EEPD1: variants seen among roughly 807,000 people sequenced by gnomAD.
The protein encoded by EEPD1 is endonuclease/exonuclease/phosphatase family domain-containing protein 1.
EEPD1 carries 17 observed loss-of-function variants against 46.3 expected under a neutral mutation model. The ratio of observed to expected loss-of-function variants is 0.37; its 90% confidence interval spans 0.25 to 0.55. EEPD1 has a LOEUF of 0.55. Among genes scored for constraint, EEPD1 ranks in the 20% least tolerant of loss-of-function variants. EEPD1 has a pLI of 0.83. For synonymous variants in EEPD1, 313 were observed against 315.6 expected, an observed-to-expected ratio of 0.99 and a Z score of 0.09; for missense variants, 673 against 745.6, an observed-to-expected ratio of 0.90 and a Z score of 1.13.
intron 2 of EEPD1, among the ~76,000 whole-genome samples, chr7:36,156,570 A>G (rs1355569846): frequency 1.3e-5 from 2 of 152,156 alleles, no homozygotes; most frequent in Non-Finnish European, 2.9e-5. Flanking sequence ...AGGAAAGACA[A>G]AGCTGCTTAA....
In EEPD1 at chr7:36,155,063, T is replaced by C. The variant is rs761162670; in HGVS notation, c.739T>C (p.Ser247Pro). 1 of 1,594,598 alleles carries C rather than the reference T, an allele frequency of 6.3e-7. No individual in the cohort carries two copies. The highest frequency in any genetic ancestry group is 8.6e-7 in the Non-Finnish European group (1 of 1,168,870). The change falls in exon 2 of 8, where the codon TCC becomes CCC. Residue 247 changes from serine (S) to proline (P), a missense_variant. Physicochemically the swap from Ser to Pro is moderately conservative, Grantham distance 74. Coordinates refer to ENST00000242108, the MANE Select transcript of EEPD1 (RefSeq NM_030636.3). ...GPTQIISTRP[S>P]VEAFGGTRDG... ...CACCCAGATTATCTCCACTCGGCCG[T>C]CCGTGGAGGCCTTTGGAGGCACAAG...
intron 3 of EEPD1, among the ~76,000 whole-genome samples, chr7:36,277,344 C>T (rs1404938432): frequency 6.6e-6 from 1 of 152,248 alleles, no homozygotes; most frequent in African/African-American, 2.4e-5. Flanking sequence ...GCAGTTACCT[C>T]CTGTGGGCTG....
At chr7:36,287,841 T>C in intron 6 of EEPD1, 64 bp downstream of exon 6, 1 of 1,582,836 alleles carries the variant, frequency 6.3e-7, no homozygotes, top group Non-Finnish European at 8.6e-7. Context: ...CTGCCTCTTC[T>C]GAGCCATCTC....
At chr7:36,172,222 A>C (rs545337485) in intron 2 of EEPD1, among the ~76,000 whole-genome samples, 33 of 152,044 alleles carry the variant, frequency 2.2e-4, no homozygotes, top group Non-Finnish European at 4.3e-4. Context: ...GGAAAGTAGA[A>C]TCTCTCTTCT....
intron 2 of EEPD1, among the ~76,000 whole-genome samples, chr7:36,236,566 T>A (rs1490287733): frequency 3.3e-5 from 5 of 152,230 alleles, no homozygotes; most frequent in Admixed American, 6.5e-5. Context: ...AAAGTCCCGC[T>A]GCCAGTGCCA....
At chr7:36,201,482 T>C (rs2115703617) in intron 2 of EEPD1, among the ~76,000 whole-genome samples, 1 of 152,278 alleles carries the variant, frequency 6.6e-6, no homozygotes. Flanking sequence ...GAAACTTGTT[T>C]CTGATGACTA....
chr7:36,272,989 C>G lies in EEPD1; in HGVS notation c.931-8126C>G, dbSNP rs1787134004. ...CGGCCCCTCCTGGGAGGAAAGTTGACCGATGTACTGACCTCTGTGTGAAAT... is the reference window on the plus strand; with the variant it reads ...CGGCCCCTCCTGGGAGGAAAGTTGAGCGATGTACTGACCTCTGTGTGAAAT... On this transcript the variant is annotated intron_variant, in intron 3 of 7. Coordinates refer to ENST00000242108, the MANE Select transcript of EEPD1 (RefSeq NM_030636.3). 2.6e-5 allele frequency among the ~76,000 whole-genome samples: 4 copies of G among 152,322 alleles called. No individual in the cohort carries two copies. In the South Asian group the frequency reaches 8.3e-4, roughly 32 times the overall value.
intron 2 of EEPD1, among the ~76,000 whole-genome samples, chr7:36,213,119 C>T (rs934342125): frequency 2.0e-5 from 3 of 152,130 alleles, no homozygotes; most frequent in Non-Finnish European, 4.4e-5. Context: ...TACCACTGCA[C>T]TCCAGCATGG....
chr7:36,241,466 C>T (rs984652200), intron 3 of EEPD1, among the ~76,000 whole-genome samples: 10 of 152,024 alleles, frequency 6.6e-5, no homozygotes, highest in African/African-American at 1.9e-4. Context: ...GAGCGAGACT[C>T]TGTCTCAAAA....
chr7:36,205,652 G>A (rs1216046345), intron 2 of EEPD1, among the ~76,000 whole-genome samples: 1 of 152,238 alleles, frequency 6.6e-6, no homozygotes, highest in Non-Finnish European at 1.5e-5. Flanking sequence ...TAAAAGCATA[G>A]AATGTGATTT....
intron 3 of EEPD1, 160 bp from the exon 4 acceptor site, chr7:36,280,955 C>CT (rs1401489968): frequency 1.8e-6 from 1 of 563,850 alleles, no homozygotes; most frequent in Non-Finnish European, 3.1e-6. Context: ...TCATCTGGCT[C>CT]TTGCAAACCC....
intron 2 of EEPD1, among the ~76,000 whole-genome samples, chr7:36,198,918 G>T (rs776157823): frequency 6.6e-6 from 1 of 151,958 alleles, no homozygotes; most frequent in Non-Finnish European, 1.5e-5. Flanking sequence ...GTGGGAGGAG[G>T]TGCTCTTCTA....
intron 2 of EEPD1, among the ~76,000 whole-genome samples, chr7:36,231,643 A>G (rs1012108669): frequency 6.6e-6 from 1 of 152,172 alleles, no homozygotes; most frequent in African/African-American, 2.4e-5. Flanking sequence ...CTGTGTGTTC[A>G]TCTTGTCCCC....
chr7:36,240,792 G>A (rs953238221), intron 3 of EEPD1, among the ~76,000 whole-genome samples: 4 of 152,112 alleles, frequency 2.6e-5, no homozygotes, highest in Admixed American at 2.0e-4. Flanking sequence ...AAATTTTTCC[G>A]CAGACCTGGG....
At chr7:36,286,725 A>T (rs1167491988) in intron 5 of EEPD1, among the ~76,000 whole-genome samples, 1 of 152,168 alleles carries the variant, frequency 6.6e-6, no homozygotes, top group Admixed American at 6.5e-5. Context: ...TGGGAGGTGT[A>T]GGGAGGAGGA....
rs377318198 is a variant in EEPD1, at chr7:36,287,236, CAAAAAA to C, written c.1177-381_1177-376del. ...TGGGTGACAGAGTGAGACTCCTTCTCAAAAAAAAAAAAAAAAAAAAAAAAAAAGTGC... is the reference window on the plus strand; with the variant it reads ...TGGGTGACAGAGTGAGACTCCTTCTCAAAAAAAAAAAAAAAAAAAAAGTGC... On this transcript the variant is annotated intron_variant, in intron 5 of 7. Coordinates refer to ENST00000242108, the MANE Select transcript of EEPD1 (RefSeq NM_030636.3). Among the ~76,000 whole-genome samples the C allele has an allele frequency of 3.6e-4, 15 of 42,212 alleles. No homozygotes were observed. The South Asian group carries it at 5.1e-3, about 14-fold the overall frequency. 27.7% of individuals were successfully genotyped at this position (42,212 alleles called of 152,430 possible).
At chr7:36,252,326 G>A (rs944002525) in intron 3 of EEPD1, among the ~76,000 whole-genome samples, 1 of 152,174 alleles carries the variant, frequency 6.6e-6, no homozygotes, top group Non-Finnish European at 1.5e-5. Context: ...TATTCTGGCG[G>A]TGAAGAATCA....
At chr7:36,292,822 CT>C (rs1376935817) in intron 6 of EEPD1, among the ~76,000 whole-genome samples, 2 of 152,112 alleles carry the variant, frequency 1.3e-5, no homozygotes, top group Non-Finnish European at 2.9e-5. Context: ...CCACTGTTTT[CT>C]GATATTCTCC....
intron 2 of EEPD1, among the ~76,000 whole-genome samples, chr7:36,155,601 T>A (rs895822752): frequency 2.0e-5 from 3 of 152,206 alleles, no homozygotes; most frequent in South Asian, 4.1e-4. Context: ...AAAATCATAT[T>A]TGTTCCATCA....
Sources: allele counts gnomAD v4.1 joint callset (sites outside exome capture counted in the v4.1 genomes callset), GRCh38; gene constraint gnomAD v4.1.1; transcripts MANE v1.5; gene names NCBI Gene and HGNC (gene_info 2026-07-23, HGNC 2026-07-21).